Variants in LRRC66 observed in about 807,000 individuals in gnomAD.
LRRC66 encodes the protein leucine rich repeat containing 66.
In LRRC66, 29 loss-of-function variants were observed where a neutral mutation model predicts 24.6. That is an observed-to-expected ratio of 1.18 (90% CI 0.88 to 1.61). LRRC66 has a LOEUF of 1.61. LRRC66 is among the 40% of genes most tolerant of loss of function. The pLI is 0.00. For missense variants in LRRC66, 1,124 were observed against 1,058.0 expected (o/e 1.06, Z -0.87); for synonymous variants, 411 against 397.6 (o/e 1.03, Z -0.40).
chr4:52,011,097 G>A (rs904494168), intron 2 of LRRC66, among the ~76,000 whole-genome samples: 31 of 152,226 alleles, frequency 2.0e-4, no homozygotes, highest in African/African-American at 5.5e-4. Context: ...AAGCTTTTGC[G>A]GTGACAGACA....
In LRRC66 at chr4:51,995,667, T is replaced by A. The variant is rs373498518; in HGVS notation, c.1355A>T (p.Tyr452Phe). 1 of 1,614,140 alleles carries A rather than the reference T, an allele frequency of 6.2e-7. No homozygotes were observed. Among genetic ancestry groups the A allele is most frequent in the Admixed American group, 1.7e-5 (1 of 60,006 alleles). ...LRQVFPHLSLYENQTPFWVTQ... is the reference protein window; with the variant it reads ...LRQVFPHLSLFENQTPFWVTQ... ...CACCCAGAAAGGGGTCTGGTTCTCG[T>A]AGAGGCTTAGATGAGGAAATACTTG... Residue 452 changes from tyrosine to phenylalanine, a missense_variant, in exon 5 of 5, where the codon TAC (tyrosine) becomes TTC (phenylalanine). By Grantham distance (22) the Tyr-to-Phe change is conservative. Coordinates refer to ENST00000682860, the MANE Select transcript of LRRC66 (RefSeq NM_001024611.3).
chr4:52,004,358 A>G (rs897177922), intron 2 of LRRC66, among the ~76,000 whole-genome samples: 11 of 152,184 alleles, frequency 7.2e-5, no homozygotes, highest in Non-Finnish European at 1.5e-4. Flanking sequence ...CTTATTGTTG[A>G]CATTATGACT....
chr4:52,003,467 T>C (rs762785605), intron 2 of LRRC66, 75 bp from the exon 3 acceptor site: 47 of 1,311,794 alleles, frequency 3.6e-5, no homozygotes, highest in Admixed American at 1.2e-4. Flanking sequence ...TGGTGAAAAA[T>C]TGGAGACAAC....
chr4:51,998,024 T>C, intron 3 of LRRC66, 87 bp from the exon 4 acceptor site: 2 of 1,159,048 alleles, frequency 1.7e-6, no homozygotes, highest in South Asian at 2.9e-5. Flanking sequence ...CTACTGTTTA[T>C]GTCTCTATGG....
intron 2 of LRRC66, 47 bp from the exon 3 acceptor site, chr4:52,003,439 C>T (rs1313994649): frequency 6.5e-7 from 1 of 1,539,604 alleles, no homozygotes; most frequent in East Asian, 2.3e-5. Flanking sequence ...GTAAAATTTA[C>T]TGCAGCACTG....
At chr4:52,011,818 C>CT (rs1362318302) in intron 2 of LRRC66, among the ~76,000 whole-genome samples, 2 of 152,132 alleles carry the variant, frequency 1.3e-5, no homozygotes, top group Non-Finnish European at 2.9e-5. Flanking sequence ...GACCAGGAAG[C>CT]TTTTTTAGGT....
intron 2 of LRRC66, among the ~76,000 whole-genome samples, chr4:52,008,454 G>T (rs1736630916): frequency 6.9e-6 from 1 of 144,462 alleles, no homozygotes; most frequent in Admixed American, 7.0e-5. Context: ...GGGGAAAGCT[G>T]TTTTTTTTTT....
chr4:52,018,500 C>T (rs574909748), intron 1 of LRRC66: 33 of 985,368 alleles, frequency 3.3e-5, no homozygotes, highest in Non-Finnish European at 4.0e-5. Flanking sequence ...CCTTTCTGTT[C>T]TAATGGCACT....
At chr4:52,016,681 C>G (rs1040211692) in intron 2 of LRRC66, among the ~76,000 whole-genome samples, 5 of 152,002 alleles carry the variant, frequency 3.3e-5, no homozygotes, top group African/African-American at 9.7e-5. Flanking sequence ...TGGAGGACAA[C>G]TAGATAGACT....
Position 51,994,756 on chromosome 4 carries a change from T to A in LRRC66, c.2266A>T (p.Asn756Tyr). ...CCTGGAATTGTTTGGAAGGTAACAT[T>A]TTCCTCAAGACTGTCTACAGCCGTC... ...NVTAVDSLEENVTFQTIPGKC... is the reference protein window; with the variant it reads ...NVTAVDSLEEYVTFQTIPGKC... Residue 756 changes from asparagine (N) to tyrosine (Y), a missense_variant, in exon 5 of 5, where the codon AAT becomes TAT. Asn to Tyr is a moderately radical substitution (Grantham distance 143, BLOSUM62 -2). Coordinates refer to ENST00000682860, the MANE Select transcript of LRRC66 (RefSeq NM_001024611.3). 3.1e-6 allele frequency: 5 copies of A among 1,614,216 alleles called. No individual in the cohort carries two copies. Among genetic ancestry groups the A allele is most frequent in the Non-Finnish European group, 4.2e-6 (5 of 1,180,036 alleles).
At chr4:52,019,567 T>G (rs1026518051) in intron 1 of LRRC66, among the ~76,000 whole-genome samples, 1 of 152,202 alleles carries the variant, frequency 6.6e-6, no homozygotes, top group Non-Finnish European at 1.5e-5. Context: ...CAGGTACACA[T>G]GGCCATGAAC....
At chr4:52,000,913 T>A (rs1419545723) in intron 3 of LRRC66, among the ~76,000 whole-genome samples, 1 of 152,204 alleles carries the variant, frequency 6.6e-6, no homozygotes, top group Non-Finnish European at 1.5e-5. Context: ...ATAATCTATG[T>A]GTGTGGTTTT....
rs546495445 is a variant in LRRC66, at chr4:52,009,010, G to A, written c.497-5618C>T. Among the ~76,000 whole-genome samples the A allele has an allele frequency of 2.6e-5, 4 of 152,174 alleles. No individual in the cohort carries two copies. The South Asian group carries it at 6.2e-4, about 24-fold the overall frequency. On this transcript the variant is annotated intron_variant, in intron 2 of 4. Coordinates refer to ENST00000682860, the MANE Select transcript of LRRC66 (RefSeq NM_001024611.3). ...AAAAATGGGAGAACACCATTGTAAGGTTCTTATATTACAGGCAAGTAGTTT... is the reference window on the plus strand; with the variant it reads ...AAAAATGGGAGAACACCATTGTAAGATTCTTATATTACAGGCAAGTAGTTT...
At chr4:52,009,340 A>G (rs1736650004) in intron 2 of LRRC66, among the ~76,000 whole-genome samples, 1 of 152,160 alleles carries the variant, frequency 6.6e-6, no homozygotes, top group South Asian at 2.1e-4. Flanking sequence ...CCTTTAAGAA[A>G]CTTGCAAGAA....
rs758133812 is a variant in LRRC66 at position 51,995,509 on chromosome 4, C to G, written c.1513G>C (p.Val505Leu). The part of the protein sequence containing the change: ...TGAGSGNDGA[V>L]YSILQRHPHA... ...GGATGTCTCTGGAGAATGGAATAGA[C>G]TGCACCATCATTTCCACTTCCTGCC... The change falls in exon 5 of 5, where the codon GTC (valine) becomes CTC (leucine). Residue 505 changes from valine to leucine, a missense_variant. Physicochemically the swap from Val to Leu is conservative, Grantham distance 32. Coordinates refer to ENST00000682860, the MANE Select transcript of LRRC66 (RefSeq NM_001024611.3). 1.2e-6 allele frequency: 2 copies of G among 1,614,178 alleles called. No homozygotes were observed. Among genetic ancestry groups the G allele is most frequent in the African/African-American group, 2.7e-5 (2 of 75,050 alleles).
intron 2 of LRRC66, among the ~76,000 whole-genome samples, chr4:52,006,450 A>G (rs920419377): frequency 2.6e-5 from 4 of 151,644 alleles, no homozygotes; most frequent in African/African-American, 7.3e-5. Context: ...CTATTGCAAG[A>G]ACAAAAAACC....
At chr4:51,998,206 C>T (rs1020707568) in intron 3 of LRRC66, among the ~76,000 whole-genome samples, 23 of 152,150 alleles carry the variant, frequency 1.5e-4, no homozygotes, top group Non-Finnish European at 1.5e-5. Flanking sequence ...AGTATCATGC[C>T]TATATTTGAT....
Position 51,995,102 on chromosome 4 carries a change from C to T in LRRC66, c.1920G>A (p.Leu640=). Residue 640 remains leucine (L), a synonymous_variant, in exon 5 of 5, where the codon CTG becomes CTA. Coordinates refer to ENST00000682860, the MANE Select transcript of LRRC66 (RefSeq NM_001024611.3). ...IDLLSIQQPR[L]SGARAEEALS... is the part of the protein sequence containing the mutation. Reference sequence around the variant, plus strand: ...GCGCTTCCTCAGCCCTTGCCCCGGACAGCCTTGGCTGCTGTATGCTCAGCA... The same window carrying T: ...GCGCTTCCTCAGCCCTTGCCCCGGATAGCCTTGGCTGCTGTATGCTCAGCA... The T allele has an allele frequency of 1.2e-6, 2 of 1,614,244 alleles. No individual in the cohort carries two copies. The highest frequency in any genetic ancestry group is 1.1e-5 in the South Asian group (1 of 91,086).
At position 51,997,861 on chromosome 4, in the gene LRRC66, A is replaced by C. The variant is rs1362178517; in HGVS notation, c.743T>G (p.Val248Gly). ...CCAGTTATTATCAGCCAAGTCAACC[A>C]CTAGATGGGGAAATTCTAGAGCTAT... Reference protein sequence around the residue: ...MIIALEFPHLVVDLADNNWQC... With the variant: ...MIIALEFPHLGVDLADNNWQC... The change falls in exon 4 of 5, where the codon GTG becomes GGG. Residue 248 changes from valine to glycine, a missense_variant. Physicochemically the swap from Val to Gly is moderately radical, Grantham distance 109. Transcript: ENST00000682860. 1 of 1,614,108 alleles carries C rather than the reference A, an allele frequency of 6.2e-7. No individual in the cohort carries two copies. The highest frequency in any genetic ancestry group is 8.5e-7 in the Non-Finnish European group (1 of 1,179,978).
Sources: allele counts gnomAD v4.1 joint callset (sites outside exome capture counted in the v4.1 genomes callset), GRCh38; gene constraint gnomAD v4.1.1; transcripts MANE v1.5; gene names NCBI Gene and HGNC (gene_info 2026-07-23, HGNC 2026-07-21).